The following SLC24A2 variants were observed in gnomAD, a reference collection of about 807,000 sequenced individuals.
The protein encoded by SLC24A2 is solute carrier family 24 member 2.
In SLC24A2, 36 loss-of-function variants were observed where a neutral mutation model predicts 62.0. That is an observed-to-expected ratio of 0.58 (90% CI 0.44 to 0.77). The LOEUF is 0.77. Ranked by LOEUF, SLC24A2 falls within the 30% of genes least tolerant of loss-of-function variation. The pLI, the probability that SLC24A2 is intolerant of heterozygous loss-of-function variation, is 0.00. For missense variants in SLC24A2, 846 were observed against 817.9 expected (o/e 1.03, Z -0.42); for synonymous variants, 358 against 294.0 (o/e 1.22, Z -2.23).
chr9:19,980,872 A>T, the SLC24A2 span, among the ~76,000 whole-genome samples: 2 of 152,200 alleles, frequency 1.3e-5, no homozygotes, highest in Admixed American at 6.5e-5. Flanking sequence ...ACTTTGAGTG[A>T]AGGAAGCCTC....
At chr9:20,199,687 A>C in the SLC24A2 span, among the ~76,000 whole-genome samples, 8 of 151,680 alleles carry the variant, frequency 5.3e-5, no homozygotes, top group African/African-American at 1.9e-4. Context: ...AAGCATTCTG[A>C]TATTCTGATA....
the SLC24A2 span, among the ~76,000 whole-genome samples, chr9:19,986,879 T>C: frequency 3.9e-5 from 6 of 152,150 alleles, no homozygotes; most frequent in Non-Finnish European, 7.4e-5. Context: ...TTGCACAATA[T>C]TGTGATTGTA....
rs1832696210 is a variant in SLC24A2 at position 19,511,016 on chromosome 9, T to C, written c.*5137A>G. The C allele has an allele frequency of 6.6e-6, 1 of 152,200 alleles. No homozygotes were observed. The highest frequency in any genetic ancestry group is 1.5e-5 in the Non-Finnish European group (1 of 68,080). The allele number at this position is 152,200 out of a possible 1,614,324, so 9.4% of individuals were successfully genotyped here. ...GTGAGGAAGGCATGCAAAATGCCAG[T>C]GTGTACATTAGCTGGGGGGAGTCAT... On this transcript the variant is annotated 3_prime_UTR_variant, in exon 11 of 11. Coordinates refer to ENST00000341998, the MANE Select transcript of SLC24A2 (RefSeq NM_020344.4).
At position 19,743,811 on chromosome 9, in the gene SLC24A2, A is replaced by G. The variant is rs538218389; in HGVS notation, c.930+42126T>C. On this transcript the variant is annotated intron_variant, in intron 2 of 10. Coordinates refer to ENST00000341998, the MANE Select transcript of SLC24A2 (RefSeq NM_020344.4). ...ACATTTAGACGCAATTCTTGGCACT[A>G]TAGATACTCTACAGAAGGATGGATC... Among the ~76,000 whole-genome samples, 13 of 152,222 alleles carry G rather than the reference A, an allele frequency of 8.5e-5. 1 individual carries two copies. In the South Asian group the frequency reaches 2.7e-3, roughly 32 times the overall value.
At chr9:19,820,039 A>ACATATATATATATGTG in the SLC24A2 span, among the ~76,000 whole-genome samples, 83 of 20,668 alleles carry the variant, frequency 4.0e-3, 2 homozygotes, top group African/African-American at 5.5e-3. Context: ...ATATATATAT[A>ACATATATATATATGTG]TACATATATA....
the SLC24A2 span, among the ~76,000 whole-genome samples, chr9:20,045,683 G>A: frequency 1.3e-5 from 2 of 151,864 alleles, no homozygotes; most frequent in East Asian, 1.9e-4. Context: ...TGCCTGCCTC[G>A]GCCTCCCAAA....
the SLC24A2 span, among the ~76,000 whole-genome samples, chr9:19,883,251 T>A: frequency 3.3e-5 from 5 of 152,196 alleles, no homozygotes; most frequent in African/African-American, 1.2e-4. Context: ...ATTTTATCTA[T>A]CCCAATGGTG....
At chr9:20,231,641 C>T in the SLC24A2 span, among the ~76,000 whole-genome samples, 5 of 152,116 alleles carry the variant, frequency 3.3e-5, no homozygotes, top group East Asian at 1.9e-4. Flanking sequence ...TGGACTGAGA[C>T]GATGGGGTTT....
chr9:19,543,421 C>T (rs1364928468), intron 8 of SLC24A2, among the ~76,000 whole-genome samples: 25 of 145,254 alleles, frequency 1.7e-4, no homozygotes, highest in Non-Finnish European at 2.4e-4. Context: ...TTTTTCATGT[C>T]TCTATCTCCT....
the SLC24A2 span, among the ~76,000 whole-genome samples, chr9:20,047,121 G>C: frequency 6.6e-6 from 1 of 152,136 alleles, no homozygotes; most frequent in African/African-American, 2.4e-5. Context: ...CATCTGTCCA[G>C]CCTGAGGTTA....
At chr9:20,206,304 A>T in the SLC24A2 span, among the ~76,000 whole-genome samples, 1 of 152,202 alleles carries the variant, frequency 6.6e-6, no homozygotes, top group East Asian at 1.9e-4. Context: ...AAAAGAGCAT[A>T]TTACAGGAGA....
chr9:19,655,815 T>G (rs1213014311), intron 2 of SLC24A2, among the ~76,000 whole-genome samples: 1 of 152,224 alleles, frequency 6.6e-6, no homozygotes, highest in African/African-American at 2.4e-5. Context: ...TGAGAGCAAT[T>G]TTGAGTTCAT....
In SLC24A2 at chr9:19,530,659, A is replaced by G. The variant is rs142239750; in HGVS notation, c.1480-2521T>C. ...AATTAAAGGAACTAAATTCAAATCA[A>G]CATACTAGGGAAAACCTCTCTAAAT... On this transcript the variant is annotated intron_variant, in intron 8 of 10. Transcript: ENST00000341998. 6.0e-3 allele frequency among the ~76,000 whole-genome samples: 908 copies of G among 152,298 alleles called. 14 individuals carry two copies. Among genetic ancestry groups the G allele is most frequent in the African/African-American group, 0.021 (880 of 41,548 alleles).
At chr9:19,911,047 C>T in the SLC24A2 span, among the ~76,000 whole-genome samples, 3 of 148,016 alleles carry the variant, frequency 2.0e-5, no homozygotes, top group African/African-American at 7.5e-5. Context: ...AGGTGTATCT[C>T]TTAAAGCTAT....
At chr9:19,722,194 T>A (rs553115643) in intron 2 of SLC24A2, among the ~76,000 whole-genome samples, 4 of 152,232 alleles carry the variant, frequency 2.6e-5, no homozygotes, top group Admixed American at 2.6e-4. Context: ...GCTAATAGAT[T>A]TCCTTAGGTG....
chr9:20,108,545 G>T, the SLC24A2 span, among the ~76,000 whole-genome samples: 1 of 152,172 alleles, frequency 6.6e-6, no homozygotes, highest in Non-Finnish European at 1.5e-5. Context: ...CATGTCCTTT[G>T]TAGGGACATG....
the SLC24A2 span, among the ~76,000 whole-genome samples, chr9:20,048,855 A>G: frequency 6.6e-6 from 1 of 151,624 alleles, no homozygotes; most frequent in Non-Finnish European, 1.5e-5. Flanking sequence ...CCCCACCCCC[A>G]TCCTATTTTT....
At chr9:20,244,186 C>T in the SLC24A2 span, among the ~76,000 whole-genome samples, 1,831 of 152,160 alleles carry the variant, frequency 0.012, 33 homozygotes, top group African/African-American at 0.041. Context: ...AAAATAAACT[C>T]AGATAAAAAA....
the SLC24A2 span, among the ~76,000 whole-genome samples, chr9:19,924,091 G>A: frequency 1.3e-5 from 2 of 152,182 alleles, no homozygotes; most frequent in East Asian, 1.9e-4. Context: ...TGTTCACTCC[G>A]TTATGCCACC....
Sources: allele counts gnomAD v4.1 joint callset (sites outside exome capture counted in the v4.1 genomes callset), GRCh38; gene constraint gnomAD v4.1.1; transcripts MANE v1.5; gene names NCBI Gene and HGNC (gene_info 2026-07-23, HGNC 2026-07-21).